The following ZNF408 variants were observed in gnomAD, a reference collection of about 807,000 sequenced individuals.
ZNF408 encodes PR domain zinc finger protein 17.
Under a neutral mutation model 27.6 loss-of-function variants are expected in ZNF408, and 24 were observed. The ratio of observed to expected loss-of-function variants is 0.87; its 90% CI spans 0.63 to 1.22. The LOEUF (loss-of-function observed/expected upper bound fraction) is 1.22, where lower values mean the gene tolerates loss of function less well. ZNF408 is among the 50% of genes most tolerant of loss of function. The pLI, the probability that ZNF408 is intolerant of heterozygous loss-of-function variation, is 0.00. For synonymous variants in ZNF408, 410 were observed against 396.1 expected, an observed-to-expected ratio of 1.04 and a Z score of -0.42; for missense variants, 897 against 949.0, an observed-to-expected ratio of 0.95 and a Z score of 0.72.
rs191519619 is a variant in ZNF408, at chr11:46,701,385, C to T, written c.53-14C>T. ...CTTGGGTGGCTCCCTCACTGTCTTCCCTTCTCTCTGCAGCCCGCGAGCCGC... is the reference window on the plus strand; with the variant it reads ...CTTGGGTGGCTCCCTCACTGTCTTCTCTTCTCTCTGCAGCCCGCGAGCCGC... On this transcript the variant is annotated splice_polypyrimidine_tract_variant and intron_variant, in intron 1 of 4. Transcript: ENST00000311764. The T allele has an allele frequency of 3.1e-6, 5 of 1,611,942 alleles. No homozygotes were observed. The highest frequency in any genetic ancestry group is 3.3e-5 in the Admixed American group (2 of 59,936).
rs764334531 is a variant in ZNF408, at chr11:46,704,963, G to A, written c.1263G>A (p.Gln421=). 2.5e-6 allele frequency: 4 copies of A among 1,613,504 alleles called. No homozygotes were observed. Among genetic ancestry groups the A allele is most frequent in the East Asian group, 4.5e-5 (2 of 44,876 alleles). The part of the protein sequence containing the change: ...CPQCDKAYGT[Q]RDLKEHQVVH... ...AATGCGACAAGGCCTATGGCACCCA[G>A]CGAGACCTCAAAGAGCACCAGGTGG... Residue 421 remains glutamine (Q), a synonymous_variant, in exon 5 of 5, where the codon CAG becomes CAA. Coordinates refer to ENST00000311764, the MANE Select transcript of ZNF408 (RefSeq NM_024741.3).
chr11:46,703,060 G>A lies in ZNF408; in HGVS notation c.469G>A (p.Val157Met), dbSNP rs560579023. The A allele has an allele frequency of 3.1e-6, 5 of 1,613,888 alleles. No individual in the cohort carries two copies. The African/African-American group carries it at 4.0e-5, about 13-fold the overall frequency. The change falls in exon 4 of 5, where the codon GTG becomes ATG. Residue 157 changes from valine (V) to methionine (M), a missense_variant. Coordinates refer to ENST00000311764, the MANE Select transcript of ZNF408 (RefSeq NM_024741.3). ...VRISERLHLQ[V>M]YQLVLPGSEL... ...GATCAGCGAGAGGCTTCATCTGCAAGTGTACCAGCTGGTGCTGCCAGGCTC... is the reference window on the plus strand; with the variant it reads ...GATCAGCGAGAGGCTTCATCTGCAAATGTACCAGCTGGTGCTGCCAGGCTC...
rs148920852 is a variant in ZNF408 at position 46,703,224 on chromosome 11, T to C, written c.633T>C (p.Asp211=). 141 of 1,613,488 alleles carry C rather than the reference T, an allele frequency of 8.7e-5. No homozygotes were observed. Among genetic ancestry groups the C allele is most frequent in the Middle Eastern group, 1.7e-4 (1 of 6,060 alleles). The change falls in exon 4 of 5, where the codon GAT becomes GAC. Residue 211 remains aspartate (D), a synonymous_variant. Coordinates refer to ENST00000311764, the MANE Select transcript of ZNF408 (RefSeq NM_024741.3). ...VQQEVASPGE[D]AAEPCIDPGS... is the part of the protein sequence containing the mutation. ...AGGAAGTGGCCTCCCCTGGGGAGGA[T>C]GCAGCAGAACCTTGCATAGGTATGT...
intron 3 of ZNF408, 99 bp from the exon 4 acceptor site, chr11:46,702,885 G>A (rs1057072065): frequency 1.3e-5 from 21 of 1,592,786 alleles, no homozygotes; most frequent in African/African-American, 8.1e-5. Flanking sequence ...CCAAAGGCAC[G>A]GCGTCCTTTA....
rs1290125311 is a variant in ZNF408, at chr11:46,704,344, G to A, written c.653-9G>A. The A allele has an allele frequency of 1.3e-6, 2 of 1,575,330 alleles. No homozygotes were observed. The highest frequency in any genetic ancestry group is 1.7e-6 in the Non-Finnish European group (2 of 1,159,948). On this transcript the variant is annotated splice_polypyrimidine_tract_variant and intron_variant, in intron 4 of 4. Coordinates refer to ENST00000311764, the MANE Select transcript of ZNF408 (RefSeq NM_024741.3). ...TCCCTAAACCCAGTACCCCATCCTT[G>A]CCTTGCAGATCCTGGTTCCCAGTCA...
In ZNF408 at chr11:46,701,572, T is replaced by A. The variant is rs1246892224; in HGVS notation, c.226T>A (p.Trp76Arg). The change falls in exon 2 of 5, where the codon TGG becomes AGG. Residue 76 changes from tryptophan to arginine, a missense_variant. Coordinates refer to ENST00000311764, the MANE Select transcript of ZNF408 (RefSeq NM_024741.3). The part of the protein sequence containing the change: ...SLAKEQRLGV[W>R]CVGDPLQPGL... ...CGCCAAGGAACAGCGCTTGGGGGTCTGGTGTGTCGGGGACCCCCTGCAGCC... is the reference window on the plus strand; with the variant it reads ...CGCCAAGGAACAGCGCTTGGGGGTCAGGTGTGTCGGGGACCCCCTGCAGCC... 2 of 1,613,112 alleles carry A rather than the reference T, an allele frequency of 1.2e-6. No individual in the cohort carries two copies. The highest frequency in any genetic ancestry group is 1.7e-6 in the Non-Finnish European group (2 of 1,179,904).
chr11:46,703,189 G>T lies in ZNF408; in HGVS notation c.598G>T (p.Ala200Ser), dbSNP rs945267104. 1.2e-6 allele frequency: 2 copies of T among 1,613,390 alleles called. No homozygotes were observed. The highest frequency in any genetic ancestry group is 1.7e-6 in the Non-Finnish European group (2 of 1,179,886). Residue 200 changes from alanine to serine, a missense_variant, in exon 4 of 5, where the codon GCT becomes TCT. Coordinates refer to ENST00000311764, the MANE Select transcript of ZNF408 (RefSeq NM_024741.3). The stretch of plus-strand genomic sequence containing the variant: ...AGCAGTGGTGACAGAAGTGGAGTCT[G>T]CTGTACAGCAGGAAGTGGCCTCCCC... ...AVAVVTEVES[A>S]VQQEVASPGE...
chr11:46,703,136 A>C lies in ZNF408; in HGVS notation c.545A>C (p.Gln182Pro), dbSNP rs372057824. The C allele has an allele frequency of 6.2e-7, 1 of 1,612,270 alleles. No homozygotes were observed. Among genetic ancestry groups the C allele is most frequent in the Non-Finnish European group, 8.5e-7 (1 of 1,179,488 alleles). ...QPSSEGPSLT[Q>P]PGLDKEAAVA... ...TCCTCTGAGGGCCCAAGTCTCACCC[A>C]GCCTGGGCTGGACAAAGAGGCAGCT... The change falls in exon 4 of 5, where the codon CAG becomes CCG. Residue 182 changes from glutamine to proline, a missense_variant. Coordinates refer to ENST00000311764, the MANE Select transcript of ZNF408 (RefSeq NM_024741.3).
At chr11:46,701,279 G>T in intron 1 of ZNF408, 120 bp from the exon 2 acceptor site, 1 of 1,564,796 alleles carries the variant, frequency 6.4e-7, no homozygotes, top group South Asian at 1.1e-5. Context: ...GCCCTCCTTA[G>T]AGCCCTCACC....
chr11:46,705,440 C>T lies in ZNF408; in HGVS notation c.1740C>T (p.Pro580=), dbSNP rs202214176. 25 of 1,608,172 alleles carry T rather than the reference C, an allele frequency of 1.6e-5. No homozygotes were observed. The highest frequency in any genetic ancestry group is 2.0e-5 in the Non-Finnish European group (24 of 1,179,766). The change falls in exon 5 of 5, where the codon CCC becomes CCT. Residue 580 remains proline (P), a synonymous_variant. Coordinates refer to ENST00000311764, the MANE Select transcript of ZNF408 (RefSeq NM_024741.3). This position sits in a 1 kb window ranked among gnomAD's most constrained non-coding sequence, Gnocchi z 6.5. The part of the protein sequence containing the change: ...ERLHSGERPF[P]CPQCGRAYTL... ...TGCACTCCGGAGAGAGGCCCTTTCC[C>T]TGTCCCCAGTGTGGCCGTGCTTACA...
intron 2 of ZNF408, among the ~76,000 whole-genome samples, chr11:46,702,153 G>T (rs2064713973): frequency 6.6e-6 from 1 of 152,158 alleles, no homozygotes. Context: ...GGAGTGCAGT[G>T]GCACGATCTC....
chr11:46,702,661 C>T (rs1466574994), intron 2 of ZNF408, 43 bp from the exon 3 acceptor site: 3 of 1,590,410 alleles, frequency 1.9e-6, no homozygotes, highest in Non-Finnish European at 1.7e-6. Flanking sequence ...CCTACCCGAC[C>T]CCTCGAACAC....
In ZNF408 at chr11:46,703,214, C is replaced by T. The variant is rs778725746; in HGVS notation, c.623C>T (p.Pro208Leu). The T allele has an allele frequency of 2.5e-6, 4 of 1,613,528 alleles. No homozygotes were observed. Among genetic ancestry groups the T allele is most frequent in the Non-Finnish European group, 3.4e-6 (4 of 1,179,920 alleles). Reference sequence around the variant, plus strand: ...GCTGTACAGCAGGAAGTGGCCTCCCCTGGGGAGGATGCAGCAGAACCTTGC... The same window carrying T: ...GCTGTACAGCAGGAAGTGGCCTCCCTTGGGGAGGATGCAGCAGAACCTTGC... ...ESAVQQEVAS[P>L]GEDAAEPCID... The change falls in exon 4 of 5, where the codon CCT (proline) becomes CTT (leucine). Residue 208 changes from proline to leucine, a missense_variant. By Grantham distance (98) the Pro-to-Leu change is moderately conservative (BLOSUM62 -3). Coordinates refer to ENST00000311764, the MANE Select transcript of ZNF408 (RefSeq NM_024741.3).
Position 46,705,078 on chromosome 11 carries a change from C to T in ZNF408, c.1378C>T (p.Gln460Ter), listed in dbSNP as rs778532834. Residue 460 changes from glutamine (Q) to a stop codon, truncating the protein, a stop_gained, in exon 5 of 5, where the codon CAG (glutamine) becomes TAG (stop). Coordinates refer to ENST00000311764, the MANE Select transcript of ZNF408 (RefSeq NM_024741.3). LOFTEE classifies it low-confidence loss of function (END_TRUNC). This position sits in a 1 kb window ranked among gnomAD's most constrained non-coding sequence, Gnocchi z 6.5. ...PSLRLHRKTH[Q>*]VPAAPAPCPC... ...CCTGCGGCTGCATCGCAAGACCCAC[C>T]AGGTGCCAGCTGCCCCTGCCCCTTG... The T allele has an allele frequency of 7.4e-6, 12 of 1,612,690 alleles. No homozygotes were observed. The highest frequency in any genetic ancestry group is 1.0e-5 in the Non-Finnish European group (12 of 1,179,972).
At position 46,705,092 on chromosome 11, in the gene ZNF408, C is replaced by T. The variant is rs139256448; in HGVS notation, c.1392C>T (p.Ala464=). 5 of 1,612,482 alleles carry T rather than the reference C, an allele frequency of 3.1e-6. No individual in the cohort carries two copies. In the African/African-American group the frequency reaches 6.7e-5, roughly 21 times the overall value. Residue 464 remains alanine, a synonymous_variant, in exon 5 of 5, where the codon GCC becomes GCT. Coordinates refer to ENST00000311764, the MANE Select transcript of ZNF408 (RefSeq NM_024741.3). This position sits in a 1 kb window ranked among gnomAD's most constrained non-coding sequence, Gnocchi z 6.5. ...GCAAGACCCACCAGGTGCCAGCTGC[C>T]CCTGCCCCTTGCCCATGCCCTGTGT... The part of the protein sequence containing the change: ...LHRKTHQVPA[A]PAPCPCPVCG...
At position 46,701,504 on chromosome 11, in the gene ZNF408, C is replaced by CTAA. The variant is rs781568434; in HGVS notation, c.159_160insAAT (p.Ala53_Leu54insAsn). The CTAA allele has an allele frequency of 6.2e-7, 1 of 1,614,054 alleles. No individual in the cohort carries two copies. Among genetic ancestry groups the CTAA allele is most frequent in the African/African-American group, 1.3e-5 (1 of 75,052 alleles). On this transcript the variant is annotated inframe_insertion, in exon 2 of 5. Transcript: ENST00000311764. ...CCCGAGCCGACCCGAGACATCCTCG[C>CTAA]TTTAAAGAGCCTTCCCCGGGGCTTG...
chr11:46,701,607 G>A lies in ZNF408; in HGVS notation c.261G>A (p.Leu87=). The stretch of plus-strand genomic sequence containing the variant: ...GGGACCCCCTGCAGCCCGGCCTGCT[G>A]TGGGGGCCGCTGGAAGAGGAGTCTG... ...CVGDPLQPGL[L]WGPLEEESAS... is the part of the protein sequence containing the mutation. The change falls in exon 2 of 5, where the codon CTG becomes CTA. Residue 87 remains leucine, a synonymous_variant. Coordinates refer to ENST00000311764, the MANE Select transcript of ZNF408 (RefSeq NM_024741.3). 1 of 1,609,666 alleles carries A rather than the reference G, an allele frequency of 6.2e-7. No homozygotes were observed. Among genetic ancestry groups the A allele is most frequent in the Non-Finnish European group, 8.5e-7 (1 of 1,177,236 alleles).
chr11:46,702,926 C>G, intron 3 of ZNF408, 58 bp from the exon 4 acceptor site: 1 of 1,602,572 alleles, frequency 6.2e-7, no homozygotes, highest in Non-Finnish European at 8.5e-7. Flanking sequence ...CTGGGGCTTT[C>G]GGGGAAGACC....
At chr11:46,702,517 A>G (rs546912564) in intron 2 of ZNF408, among the ~76,000 whole-genome samples, 187 bp from the exon 3 acceptor site, 1 of 152,352 alleles carries the variant, frequency 6.6e-6, no homozygotes, top group East Asian at 1.9e-4. Flanking sequence ...GTGAGGAGAC[A>G]GACTTTTTGG....
Sources: allele counts gnomAD v4.1 joint callset (sites outside exome capture counted in the v4.1 genomes callset), GRCh38; gene constraint gnomAD v4.1.1; non-coding constraint Gnocchi (gnomAD v3.1); transcripts MANE v1.5; gene names NCBI Gene and HGNC (gene_info 2026-07-23, HGNC 2026-07-21).